VSTM4: variants seen among roughly 807,000 people sequenced by gnomAD.
VSTM4 encodes the protein V-set and transmembrane domain-containing protein 4.
A neutral mutation model predicts 36.4 loss-of-function variants in VSTM4; 20 were observed. That is an observed-to-expected ratio of 0.55 (90% CI 0.39 to 0.80). The LOEUF (loss-of-function observed/expected upper bound fraction) is 0.80. Among genes scored for constraint, VSTM4 ranks in the 30% least tolerant of loss-of-function variants. The probability of loss-of-function intolerance (pLI) is 0.00; values close to 1 mark genes in which losing one functional copy is unlikely to be tolerated. For synonymous variants in VSTM4, 182 were observed against 173.9 expected, an observed-to-expected ratio of 1.05 and a Z score of -0.37; for missense variants, 392 against 404.5, an observed-to-expected ratio of 0.97 and a Z score of 0.26.
intron 7 of VSTM4, among the ~76,000 whole-genome samples, chr10:49,046,346 T>C (rs1207754698): frequency 6.6e-6 from 1 of 152,212 alleles, no homozygotes; most frequent in Non-Finnish European, 1.5e-5. Flanking sequence ...TGCAAATCTG[T>C]CTTGGATTGT....
At chr10:49,112,236 C>T (rs11100986) in intron 1 of VSTM4, among the ~76,000 whole-genome samples, 4,535 of 152,312 alleles carry the variant, frequency 0.03, 186 homozygotes, top group South Asian at 0.12. Context: ...AGGATTCCTG[C>T]TGCAGCAAAT....
intron 2 of VSTM4, among the ~76,000 whole-genome samples, chr10:49,107,288 A>T (rs1392260891): frequency 6.6e-6 from 1 of 152,220 alleles, no homozygotes; most frequent in Non-Finnish European, 1.5e-5. Context: ...TTTACCTTTG[A>T]CAGCACACAG....
chr10:49,100,224 A>G (rs1028665643), intron 2 of VSTM4, among the ~76,000 whole-genome samples: 1 of 151,800 alleles, frequency 6.6e-6, no homozygotes, highest in African/African-American at 2.4e-5. Flanking sequence ...GATGTGGTCA[A>G]GATAAAAACT....
intron 3 of VSTM4, among the ~76,000 whole-genome samples, chr10:49,081,755 G>A (rs893685398): frequency 5.9e-5 from 9 of 152,212 alleles, no homozygotes; most frequent in Non-Finnish European, 1.0e-4. Context: ...ACCAGCCAGC[G>A]GGCACCTCCT....
rs1046053415 is a variant in VSTM4 at position 49,017,228 on chromosome 10, T to C, written c.*2422A>G. The C allele has an allele frequency of 1.3e-5, 2 of 152,224 alleles. No individual in the cohort carries two copies. Among genetic ancestry groups the C allele is most frequent in the Non-Finnish European group, 1.5e-5 (1 of 68,036 alleles). The allele number at this position is 152,224 out of a possible 1,614,324, so 9.4% of individuals were successfully genotyped here. A position where few individuals can be genotyped will look rare whatever the true frequency, so the allele number is the denominator to read the frequency against. Reference sequence around the variant, plus strand: ...AAGCTTACTATGGCAATAATGTCAATATATCCTCTCAAACAAGCACCTGAT... The same window carrying C: ...AAGCTTACTATGGCAATAATGTCAACATATCCTCTCAAACAAGCACCTGAT... On this transcript the variant is annotated 3_prime_UTR_variant, in exon 8 of 8. Coordinates refer to ENST00000332853, the MANE Select transcript of VSTM4 (RefSeq NM_001031746.5).
intron 2 of VSTM4, among the ~76,000 whole-genome samples, chr10:49,089,320 C>G (rs1002015320): frequency 6.6e-6 from 1 of 152,168 alleles, no homozygotes; most frequent in African/African-American, 2.4e-5. Flanking sequence ...CCTCCACCCC[C>G]GCCAACCTCA....
At chr10:49,035,281 A>G (rs532762034) in intron 7 of VSTM4, among the ~76,000 whole-genome samples, 1 of 152,210 alleles carries the variant, frequency 6.6e-6, no homozygotes, top group African/African-American at 2.4e-5. Flanking sequence ...CCTGCCTATC[A>G]GCGCTCAACA....
intron 7 of VSTM4, among the ~76,000 whole-genome samples, chr10:49,030,683 T>G (rs750782407): frequency 2.0e-5 from 3 of 152,194 alleles, no homozygotes; most frequent in Non-Finnish European, 4.4e-5. Flanking sequence ...GTACACAGGA[T>G]GTTCAGCAAA....
intron 5 of VSTM4, among the ~76,000 whole-genome samples, chr10:49,055,166 T>C (rs1402846684): frequency 6.6e-6 from 1 of 152,226 alleles, no homozygotes; most frequent in Non-Finnish European, 1.5e-5. Flanking sequence ...ATGGAGCTAA[T>C]GGAGCTGTGT....
chr10:49,022,536 T>C (rs1169532833), intron 7 of VSTM4, among the ~76,000 whole-genome samples: 8 of 152,142 alleles, frequency 5.3e-5, no homozygotes, highest in Admixed American at 2.0e-4. Flanking sequence ...ACGAATTGTC[T>C]AGCAATTTTT....
At chr10:49,059,378 T>C (rs1843836220) in intron 5 of VSTM4, among the ~76,000 whole-genome samples, 2 of 152,212 alleles carry the variant, frequency 1.3e-5, no homozygotes, top group African/African-American at 4.8e-5. Flanking sequence ...TCAACAAGAT[T>C]CTGCGGTCAT....
At chr10:49,090,904 TC>T (rs1844461835) in intron 2 of VSTM4, among the ~76,000 whole-genome samples, 1 of 150,266 alleles carries the variant, frequency 6.7e-6, no homozygotes, top group African/African-American at 2.4e-5. Flanking sequence ...TCCTCTACCA[TC>T]CGTCCTGTGT....
intron 5 of VSTM4, among the ~76,000 whole-genome samples, chr10:49,058,943 G>A (rs975872177): frequency 6.6e-6 from 1 of 152,222 alleles, no homozygotes; most frequent in African/African-American, 2.4e-5. Context: ...ATTTGCCCAT[G>A]GCAGCAGCAC....
intron 7 of VSTM4, among the ~76,000 whole-genome samples, chr10:49,035,929 G>A (rs1843423405): frequency 6.6e-6 from 1 of 152,148 alleles, no homozygotes; most frequent in Non-Finnish European, 1.5e-5. Flanking sequence ...ATTTCTATTG[G>A]TCTCTGACAC....
At chr10:49,061,157 C>T (rs897087173) in intron 5 of VSTM4, among the ~76,000 whole-genome samples, 1 of 152,082 alleles carries the variant, frequency 6.6e-6, no homozygotes, top group South Asian at 2.1e-4. Context: ...GTGTCACTTT[C>T]AACAAAAAAC....
intron 7 of VSTM4, among the ~76,000 whole-genome samples, chr10:49,030,918 G>A (rs527873870): frequency 1.1e-4 from 17 of 152,262 alleles, no homozygotes; most frequent in African/African-American, 3.9e-4. Context: ...GTGTTCTTGG[G>A]GAGAGTCCTA....
chr10:49,102,248 C>T (rs1844681042), intron 2 of VSTM4: 1 of 249,224 alleles, frequency 4.0e-6, no homozygotes, highest in African/African-American at 2.3e-5. Flanking sequence ...AGCAATTCTT[C>T]ATCTCAGCCT....
chr10:49,066,156 G>C (rs980237876), intron 4 of VSTM4, among the ~76,000 whole-genome samples: 1 of 152,016 alleles, frequency 6.6e-6, no homozygotes, highest in Non-Finnish European at 1.5e-5. Flanking sequence ...CATTCTCTTA[G>C]AACATGCCTG....
At chr10:49,104,813 A>G (rs1224137439) in intron 2 of VSTM4, among the ~76,000 whole-genome samples, 1 of 147,446 alleles carries the variant, frequency 6.8e-6, no homozygotes, top group African/African-American at 2.6e-5. Context: ...ATAGAGAGAT[A>G]CAGAGGGAGA....
Sources: gnomAD v4.1 joint callset for allele counts (sites outside exome capture counted in the v4.1 genomes callset) on GRCh38, gnomAD v4.1.1 for gene constraint, MANE v1.5 for transcripts, NCBI Gene and HGNC (gene_info 2026-07-23, HGNC 2026-07-21) for gene names.